Variants in ABCC9 observed in about 807,000 individuals in gnomAD.
The protein encoded by ABCC9 is ATP binding cassette subfamily C member 9, also known as ATP-binding cassette sub-family C member 9.
In ABCC9, 95 loss-of-function variants were observed where a neutral mutation model predicts 188.3. The observed-to-expected ratio is 0.50, with a 90% CI of 0.43 to 0.60. The LOEUF is 0.60. ABCC9 is among the 20% of genes least tolerant of loss of function. ABCC9 has a pLI of 0.00. For missense variants in ABCC9, 1,102 were observed against 1,876.3 expected (o/e 0.59, Z 7.62); for synonymous variants, 659 against 652.7 (o/e 1.01, Z -0.15).
intron 6 of ABCC9, 109 bp downstream of exon 6, chr12:21,916,828 C>T: frequency 1.0e-6 from 1 of 952,790 alleles, no homozygotes; most frequent in South Asian, 2.4e-5. Flanking sequence ...ATATATAAAT[C>T]AAATACATGT....
chr12:21,910,498 C>A (rs999673786), intron 9 of ABCC9, among the ~76,000 whole-genome samples, 186 bp from the exon 10 acceptor site: 1 of 151,840 alleles, frequency 6.6e-6, no homozygotes, highest in Non-Finnish European at 1.5e-5. Flanking sequence ...TATTTTCAGT[C>A]CTTAACCAAA....
intron 8 of ABCC9, among the ~76,000 whole-genome samples, chr12:21,911,425 A>T (rs1456623865): frequency 6.6e-6 from 1 of 151,920 alleles, no homozygotes; most frequent in Non-Finnish European, 1.5e-5. Context: ...AGATATCTTA[A>T]TTTATGCTAA....
rs574519427 is a variant in ABCC9, at chr12:21,861,817, A to G, written c.2340-762T>C. Among the ~76,000 whole-genome samples the G allele has an allele frequency of 1.7e-3, 253 of 152,238 alleles. 5 individuals carry two copies. The South Asian group carries it at 0.034, about 20-fold the overall frequency. On this transcript the variant is annotated intron_variant, in intron 20 of 39. Coordinates refer to ENST00000261200, the MANE Select transcript of ABCC9 (RefSeq NM_020297.4). ...GAATGTAAGGGACTGCAGGAGGTTC[A>G]TTATGGCTAAAGCAGAGGTTGTGAG...
rs1332099813 is a variant in ABCC9, at chr12:21,910,371, T to A, written c.1165-59A>T. The A allele has an allele frequency of 2.8e-6, 4 of 1,444,142 alleles. No homozygotes were observed. In the African/African-American group the frequency reaches 4.3e-5, roughly 16 times the overall value. 89.5% of individuals were successfully genotyped at this position (1,444,142 alleles called of 1,614,324 possible). A position where few individuals can be genotyped will look rare whatever the true frequency, so the allele number is the denominator to read the frequency against. The stretch of plus-strand genomic sequence containing the variant: ...CTAAACTTAAAATTGACACTATGAT[T>A]ATTTTCACTGAAAATAAATAACAAA... On this transcript the variant is annotated intron_variant, in intron 9 of 39. Coordinates refer to ENST00000261200, the MANE Select transcript of ABCC9 (RefSeq NM_020297.4).
chr12:21,866,058 GAA>G (rs34070267), intron 18 of ABCC9, among the ~76,000 whole-genome samples: 2 of 140,462 alleles, frequency 1.4e-5, no homozygotes, highest in Admixed American at 7.0e-5. Context: ...TGTGCTAGAT[GAA>G]AAAAAAAAAA....
At chr12:21,824,720 G>A (rs1228970613) in intron 31 of ABCC9, among the ~76,000 whole-genome samples, 1 of 152,152 alleles carries the variant, frequency 6.6e-6, no homozygotes, top group Non-Finnish European at 1.5e-5. Flanking sequence ...TTAGTCTTGG[G>A]AGGGTGTGTG....
At position 21,817,144 on chromosome 12, in the gene ABCC9, A is replaced by G. The variant is rs747252930; in HGVS notation, c.3892+43T>C. The stretch of plus-strand genomic sequence containing the variant: ...GCCCAACAAACACTAATATTTGTTT[A>G]AAATAAATATTTAAGTGAGACAAAC... On this transcript the variant is annotated intron_variant, in intron 33 of 39. Transcript: ENST00000261200. 4 of 1,596,858 alleles carry G rather than the reference A, an allele frequency of 2.5e-6. No homozygotes were observed. The South Asian group carries it at 4.4e-5, about 18-fold the overall frequency.
At chr12:21,862,543 C>T (rs946220223) in intron 20 of ABCC9, among the ~76,000 whole-genome samples, 1 of 151,814 alleles carries the variant, frequency 6.6e-6, no homozygotes, top group Non-Finnish European at 1.5e-5. Flanking sequence ...ATGGTGTATT[C>T]TGGCTGTTCC....
In ABCC9 at chr12:21,887,950, AAC is replaced by A; in HGVS notation, c.1803-18_1803-17del. The stretch of plus-strand genomic sequence containing the variant: ...CTTTTGAACACTGCAAAAAACAATA[AAC>A]ACAGAATAAGAGTTAACAATAAAAC... On this transcript the variant is annotated splice_polypyrimidine_tract_variant and intron_variant, in intron 14 of 39. Coordinates refer to ENST00000261200, the MANE Select transcript of ABCC9 (RefSeq NM_020297.4). 1 of 1,572,480 alleles carries A rather than the reference AAC, an allele frequency of 6.4e-7. No homozygotes were observed. Among genetic ancestry groups the A allele is most frequent in the Non-Finnish European group, 8.8e-7 (1 of 1,142,244 alleles).
intron 2 of ABCC9, among the ~76,000 whole-genome samples, chr12:21,938,290 T>C (rs1949572157): frequency 6.6e-6 from 1 of 152,168 alleles, no homozygotes; most frequent in African/African-American, 2.4e-5. Flanking sequence ...TGCTCTCTAG[T>C]TGAGTCTTTC....
At chr12:21,935,605 C>T (rs1949453515) in intron 3 of ABCC9, among the ~76,000 whole-genome samples, 1 of 151,874 alleles carries the variant, frequency 6.6e-6, no homozygotes, top group Non-Finnish European at 1.5e-5. Context: ...GGAAAGATAC[C>T]ATACATGAAA....
At position 21,912,887 on chromosome 12, in the gene ABCC9, T is replaced by C; in HGVS notation, c.996A>G (p.Thr332=). ...AGGAACTTACTCCAGTTGTGTTATTTGTCCCATTCTGGGTTTCATTCACAC... is the reference window on the plus strand; with the variant it reads ...AGGAACTTACTCCAGTTGTGTTATTCGTCCCATTCTGGGTTTCATTCACAC... The part of the protein sequence containing the change: ...VQRVNETQNG[T]NNTTGISETL... The change falls in exon 8 of 40, where the codon ACA becomes ACG. Residue 332 remains threonine, a synonymous_variant. Transcript: ENST00000261200. 2.5e-6 allele frequency: 4 copies of C among 1,613,536 alleles called. No individual in the cohort carries two copies. The highest frequency in any genetic ancestry group is 3.4e-6 in the Non-Finnish European group (4 of 1,179,608).
rs11835804 is a variant in ABCC9, at chr12:21,860,962, A to G, written c.2424+9T>C. On this transcript the variant is annotated intron_variant, in intron 21 of 39. Coordinates refer to ENST00000261200, the MANE Select transcript of ABCC9 (RefSeq NM_020297.4). ...TGTTCATTGCTTAATGAAACTATAT[A>G]TAGCTCACCCTCTCTCCAATTTCAG... 4.5e-3 allele frequency: 7,214 copies of G among 1,604,084 alleles called. 277 individuals are homozygous for G. In the African/African-American group the frequency reaches 0.086, roughly 19 times the overall value.
chr12:21,874,028 C>T (rs969706587), intron 17 of ABCC9, among the ~76,000 whole-genome samples: 1 of 151,948 alleles, frequency 6.6e-6, no homozygotes, highest in Admixed American at 6.6e-5. Context: ...AACTAAAGAG[C>T]TTCTGCACAG....
At chr12:21,925,495 A>T (rs939534104) in intron 5 of ABCC9, 9 of 702,550 alleles carry the variant, frequency 1.3e-5, no homozygotes, top group Non-Finnish European at 2.1e-5. Context: ...CCACAGCATC[A>T]GTGAAAGGCT....
At chr12:21,810,425 TA>T (rs1217519166) in intron 36 of ABCC9, among the ~76,000 whole-genome samples, 1 of 152,148 alleles carries the variant, frequency 6.6e-6, no homozygotes, top group Admixed American at 6.5e-5. Flanking sequence ...CTGGGTAATT[TA>T]TAAAGAAAGA....
intron 19 of ABCC9, among the ~76,000 whole-genome samples, chr12:21,863,440 C>T (rs1339042653): frequency 1.3e-5 from 2 of 151,800 alleles, no homozygotes; most frequent in Non-Finnish European, 2.9e-5. Context: ...ATAAATTCTA[C>T]ATGCAAACTT....
intron 16 of ABCC9, among the ~76,000 whole-genome samples, chr12:21,878,811 T>C (rs540818523): frequency 2.6e-5 from 4 of 152,258 alleles, no homozygotes; most frequent in South Asian, 4.2e-4. Flanking sequence ...ACAAGAAAGA[T>C]AGAAGAGGAG....
chr12:21,933,618 TA>T (rs1949371035), intron 4 of ABCC9, among the ~76,000 whole-genome samples, 163 bp downstream of exon 4: 1 of 152,056 alleles, frequency 6.6e-6, no homozygotes, highest in Non-Finnish European at 1.5e-5. Context: ...TTTTTAACAT[TA>T]AAAAGTTCAA....
Sources: gnomAD v4.1 joint callset for allele counts (sites outside exome capture counted in the v4.1 genomes callset) on GRCh38, gnomAD v4.1.1 for gene constraint, MANE v1.5 for transcripts, NCBI Gene and HGNC (gene_info 2026-07-23, HGNC 2026-07-21) for gene names.